The following RESF1 variants were observed in gnomAD, a reference collection of about 807,000 sequenced individuals.
RESF1 encodes the protein gonad expressed transcript.
A neutral mutation model predicts 134.7 loss-of-function variants in RESF1; 65 were observed. The ratio of observed to expected loss-of-function variants is 0.48; its 90% CI spans 0.40 to 0.59. The LOEUF (loss-of-function observed/expected upper bound fraction) is 0.59. RESF1 is among the 20% of genes least tolerant of loss of function. The pLI is 0.00. For missense variants in RESF1, 2,274 were observed against 2,002.7 expected (o/e 1.14, Z -2.59); for synonymous variants, 762 against 702.2 (o/e 1.09, Z -1.35).
At chr12:31,986,838 A>G (rs894409697) in intron 4 of RESF1, among the ~76,000 whole-genome samples, 1 of 152,220 alleles carries the variant, frequency 6.6e-6, no homozygotes, top group Non-Finnish European at 1.5e-5. Context: ...CCTGGAAAAG[A>G]AGATAGGGAT....
At position 31,981,617 on chromosome 12, in the gene RESF1, C is replaced by T. The variant is rs756690755; in HGVS notation, c.662C>T (p.Ser221Leu). The T allele has an allele frequency of 1.2e-5, 19 of 1,613,984 alleles. No homozygotes were observed. The highest frequency in any genetic ancestry group is 2.2e-5 in the East Asian group (1 of 44,902). Residue 221 changes from serine (S) to leucine (L), a missense_variant, in exon 4 of 6, where the codon TCA becomes TTA. Physicochemically the swap from Ser to Leu is moderately radical, Grantham distance 145 (BLOSUM62 -2). Coordinates refer to ENST00000312561, the MANE Select transcript of RESF1 (RefSeq NM_018169.4). ...CCACCTCCAAAGCTATACCGTTACT[C>T]ACCACAAAGCTTTTTACCAGATTCT... ...YRPPPKLYRY[S>L]PQSFLPDSTI... is the part of the protein sequence containing the mutation.
rs577191650 is a variant in RESF1 at position 31,984,243 on chromosome 12, C to T, written c.3288C>T (p.Asp1096=). 4 of 1,614,020 alleles carry T rather than the reference C, an allele frequency of 2.5e-6. No individual in the cohort carries two copies. Among genetic ancestry groups the T allele is most frequent in the African/African-American group, 1.3e-5 (1 of 75,036 alleles). Reference sequence around the variant, plus strand: ...AAACTGCTGATAAAACCAGTTCTGACTCCAAAGACCCAGCAGATCAAATAC... The same window carrying T: ...AAACTGCTGATAAAACCAGTTCTGATTCCAAAGACCCAGCAGATCAAATAC... ...EDQTADKTSS[D]SKDPADQIQI... Residue 1096 remains aspartate, a synonymous_variant, in exon 4 of 6, where the codon GAC becomes GAT. Coordinates refer to ENST00000312561, the MANE Select transcript of RESF1 (RefSeq NM_018169.4).
Position 31,983,695 on chromosome 12 carries a change from A to G in RESF1, c.2740A>G (p.Ser914Gly), listed in dbSNP as rs1939872068. Residue 914 changes from serine (S) to glycine (G), a missense_variant, in exon 4 of 6, where the codon AGC becomes GGC. Transcript: ENST00000312561. Reference protein sequence around the residue: ...SYNSQIAKIFSSLPLKMVEPQ... With the variant: ...SYNSQIAKIFGSLPLKMVEPQ... The stretch of plus-strand genomic sequence containing the variant: ...CAATTCCCAAATAGCAAAGATATTC[A>G]GCTCTCTTCCCTTGAAAATGGTTGA... 3 of 1,613,806 alleles carry G rather than the reference A, an allele frequency of 1.9e-6. No homozygotes were observed. Among genetic ancestry groups the G allele is most frequent in the Non-Finnish European group, 2.5e-6 (3 of 1,180,016 alleles).
rs200919626 is a variant in RESF1 at position 31,982,787 on chromosome 12, C to T, written c.1832C>T (p.Pro611Leu). 1.9e-4 allele frequency: 313 copies of T among 1,613,968 alleles called. No homozygotes were observed. The highest frequency in any genetic ancestry group is 2.4e-4 in the Non-Finnish European group (279 of 1,180,002). ...DANQTIQDSK[P>L]DSCEMNPNTQ... The stretch of plus-strand genomic sequence containing the variant: ...AATCAAACTATTCAGGATTCTAAAC[C>T]AGACAGTTGTGAAATGAATCCAAAT... The change falls in exon 4 of 6, where the codon CCA (proline) becomes CTA (leucine). Residue 611 changes from proline (P) to leucine (L), a missense_variant. Coordinates refer to ENST00000312561, the MANE Select transcript of RESF1 (RefSeq NM_018169.4).
chr12:31,984,337 G>C lies in RESF1; in HGVS notation c.3382G>C (p.Val1128Leu). 1 of 1,614,060 alleles carries C rather than the reference G, an allele frequency of 6.2e-7. No homozygotes were observed. ...TGAACAGGATGATCAACCCTATGTA[G>C]TAGACAAGTTGGCAGAACCTCAGAA... ...FPEQDDQPYV[V>L]DKLAEPQKEE... is the part of the protein sequence containing the mutation. Residue 1128 changes from valine to leucine, a missense_variant, in exon 4 of 6, where the codon GTA becomes CTA. Val to Leu is a conservative substitution (Grantham distance 32, BLOSUM62 1). Transcript: ENST00000312561.
intron 3 of RESF1, among the ~76,000 whole-genome samples, chr12:31,974,414 C>T (rs1939584474): frequency 6.6e-6 from 1 of 152,000 alleles, no homozygotes; most frequent in Admixed American, 6.6e-5. Context: ...AAATTTATTT[C>T]TCCCAGTTCC....
In RESF1 at chr12:31,987,329, T is replaced by G; in HGVS notation, c.5086+7T>G. The G allele has an allele frequency of 6.4e-7, 1 of 1,556,168 alleles. No individual in the cohort carries two copies. Among genetic ancestry groups the G allele is most frequent in the South Asian group, 1.1e-5 (1 of 88,944 alleles). On this transcript the variant is annotated splice_region_variant and intron_variant, in intron 5 of 5. Transcript: ENST00000312561. The stretch of plus-strand genomic sequence containing the variant: ...AAAGACAGCCAAGAGAGAGGTAAAG[T>G]CATCTTTTTAAATCTTCATTCACTT...
chr12:31,987,613 G>C (rs1315321019), intron 5 of RESF1, among the ~76,000 whole-genome samples: 1 of 151,988 alleles, frequency 6.6e-6, no homozygotes, highest in African/African-American at 2.4e-5. Context: ...AATACTTTAG[G>C]TTTTCTGGGT....
chr12:31,976,380 C>A (rs1478168995), intron 3 of RESF1, among the ~76,000 whole-genome samples: 3 of 152,148 alleles, frequency 2.0e-5, no homozygotes, highest in Non-Finnish European at 4.4e-5. Context: ...TTGTATGTTA[C>A]ATGTATTATA....
chr12:31,974,848 G>C (rs749929249), intron 3 of RESF1, among the ~76,000 whole-genome samples: 1 of 151,782 alleles, frequency 6.6e-6, no homozygotes, highest in African/African-American at 2.4e-5. Context: ...CCAACCTTGT[G>C]GACTAGTCAA....
chr12:31,987,450 G>T (rs1438200221), intron 5 of RESF1, 128 bp downstream of exon 5: 23 of 590,794 alleles, frequency 3.9e-5, no homozygotes, highest in African/African-American at 3.7e-4. Context: ...CAGTCATTCA[G>T]TGTTTGTGTT....
At chr12:31,989,676 A>AC (rs1370002128) in intron 5 of RESF1, among the ~76,000 whole-genome samples, 1 of 151,956 alleles carries the variant, frequency 6.6e-6, no homozygotes, top group Non-Finnish European at 1.5e-5. Context: ...ACATTATGAA[A>AC]CCCCATGCCT....
chr12:31,974,522 CGTG>C (rs1939587165), intron 3 of RESF1, among the ~76,000 whole-genome samples: 1 of 152,080 alleles, frequency 6.6e-6, no homozygotes, highest in African/African-American at 2.4e-5. Flanking sequence ...TGTGTCCTAA[CGTG>C]GTCCTTCCTC....
At chr12:31,976,933 CTTA>C (rs947448025) in intron 3 of RESF1, among the ~76,000 whole-genome samples, 9 of 152,112 alleles carry the variant, frequency 5.9e-5, no homozygotes, top group African/African-American at 2.2e-4. Context: ...AAGCTTCATG[CTTA>C]TTTTTTATTG....
Position 31,977,243 on chromosome 12 carries a change from C to T in RESF1, c.-78-3635C>T, listed in dbSNP as rs575340477. ...TTGCCCAGGCTTGAGTGCGGTGGTG[C>T]GACCTCGGCTCACTGCAACCTCCGC... On this transcript the variant is annotated intron_variant, in intron 3 of 5. Coordinates refer to ENST00000312561, the MANE Select transcript of RESF1 (RefSeq NM_018169.4). 1.6e-4 allele frequency among the ~76,000 whole-genome samples: 24 copies of T among 152,136 alleles called. No homozygotes were observed. The East Asian group carries it at 1.7e-3, about 11-fold the overall frequency.
intron 3 of RESF1, among the ~76,000 whole-genome samples, chr12:31,980,520 CT>C (rs766848248): frequency 4.0e-5 from 6 of 151,232 alleles, no homozygotes; most frequent in Non-Finnish European, 8.9e-5. Flanking sequence ...TTGAACTTCC[CT>C]TTTTTTTTAA....
intron 5 of RESF1, among the ~76,000 whole-genome samples, chr12:31,990,570 C>T (rs1307293305): frequency 1.3e-5 from 2 of 152,190 alleles, no homozygotes; most frequent in East Asian, 3.8e-4. Context: ...GCCTCGGCCT[C>T]AGCCTCCTGA....
At chr12:31,967,759 C>G (rs533773639) in intron 2 of RESF1, among the ~76,000 whole-genome samples, 1 of 151,956 alleles carries the variant, frequency 6.6e-6, no homozygotes, top group African/African-American at 2.4e-5. Flanking sequence ...CACCACCCAG[C>G]GTGGAAGAAT....
In RESF1 at chr12:31,981,666, AC is replaced by A. The variant is rs1246017868; in HGVS notation, c.713del (p.Pro238HisfsTer13). On this transcript the variant is annotated frameshift_variant, in exon 4 of 6. Coordinates refer to ENST00000312561, the MANE Select transcript of RESF1 (RefSeq NM_018169.4). LOFTEE classifies it high-confidence loss of function. ...CTACCATTCAAAAACAAAACTTTAT[AC>A]CACATACATCATTGCAAGTTAAAAA... is the stretch of plus-strand genomic sequence containing the variant. ...DSTIQKQNFIPHTSLQVKNSQ... is the reference protein window; with the variant it reads ...DSTIQKQNFIXHTSLQVKNSQ... 6.2e-7 allele frequency: 1 copy of A among 1,613,774 alleles called. No individual in the cohort carries two copies. Among genetic ancestry groups the A allele is most frequent in the African/African-American group, 1.3e-5 (1 of 74,928 alleles).
Sources: allele counts gnomAD v4.1 joint callset (sites outside exome capture counted in the v4.1 genomes callset), GRCh38; gene constraint gnomAD v4.1.1; transcripts MANE v1.5; gene names NCBI Gene and HGNC (gene_info 2026-07-23, HGNC 2026-07-21).